PCNX1: variants seen among roughly 807,000 people sequenced by gnomAD.
PCNX1 encodes pecanex-like protein 1.
PCNX1 carries 78 observed loss-of-function variants against 242.2 expected under a neutral mutation model. That is an observed-to-expected ratio of 0.32 (90% CI 0.27 to 0.39). The LOEUF (loss-of-function observed/expected upper bound fraction) is 0.39. PCNX1 is among the 10% of genes least tolerant of loss of function. The pLI, the probability that PCNX1 is intolerant of heterozygous loss-of-function variation, is 1.00. For missense variants in PCNX1, 2,581 were observed against 2,856.5 expected (o/e 0.90, Z 2.20); for synonymous variants, 1,024 against 1,032.9 (o/e 0.99, Z 0.17).
rs2061727366 is a variant in PCNX1, at chr14:71,076,676, A to G, written c.5337+257A>G. Among the ~76,000 whole-genome samples the G allele has an allele frequency of 2.6e-5, 4 of 152,210 alleles. No homozygotes were observed. In the South Asian group the frequency reaches 6.2e-4, roughly 24 times the overall value. On this transcript the variant is annotated intron_variant, in intron 28 of 35. Coordinates refer to ENST00000304743, the MANE Select transcript of PCNX1 (RefSeq NM_014982.3). ...AGGTAGCACCTCCTTCATCCTGGGC[A>G]TGTACAGGCATGCACATACATTCAC...
intron 22 of PCNX1, among the ~76,000 whole-genome samples, chr14:71,049,881 T>G (rs2060973182): frequency 1.3e-5 from 2 of 152,216 alleles, no homozygotes; most frequent in East Asian, 3.8e-4. Flanking sequence ...GTTTCAGCAT[T>G]GAAGAACTGT....
chr14:70,938,901 T>C (rs2140231833), intron 1 of PCNX1, among the ~76,000 whole-genome samples: 2 of 152,364 alleles, frequency 1.3e-5, no homozygotes, highest in Middle Eastern at 6.8e-3. Context: ...TTCTAGATTC[T>C]CTAGCTTATT....
chr14:71,013,326 C>A, intron 11 of PCNX1, 124 bp downstream of exon 11: 1 of 806,024 alleles, frequency 1.2e-6, no homozygotes, highest in East Asian at 2.5e-5. Flanking sequence ...GTTTTGTCCT[C>A]TGGATATAAA....
chr14:70,938,070 C>T (rs922040682), intron 1 of PCNX1, among the ~76,000 whole-genome samples: 3 of 152,212 alleles, frequency 2.0e-5, no homozygotes, highest in Admixed American at 2.0e-4. Flanking sequence ...ATCATGTCAT[C>T]TGCAAACAGG....
At chr14:71,053,811 A>T (rs922573159) in intron 24 of PCNX1, among the ~76,000 whole-genome samples, 1 of 151,918 alleles carries the variant, frequency 6.6e-6, no homozygotes, top group Non-Finnish European at 1.5e-5. Context: ...CTATATTTCC[A>T]CTCCCCCAAA....
At chr14:71,000,649 C>T (rs1416527328) in intron 8 of PCNX1, among the ~76,000 whole-genome samples, 2 of 151,732 alleles carry the variant, frequency 1.3e-5, no homozygotes, top group Non-Finnish European at 2.9e-5. Flanking sequence ...GCCTTAGCCT[C>T]CCGAGTAGCT....
chr14:71,027,355 A>G (rs1223714026), intron 15 of PCNX1, among the ~76,000 whole-genome samples: 1 of 151,924 alleles, frequency 6.6e-6, no homozygotes, highest in Non-Finnish European at 1.5e-5. Flanking sequence ...TTAGTAATAA[A>G]TAAGTTTTTA....
At position 71,103,613 on chromosome 14, in the gene PCNX1, T is replaced by C; in HGVS notation, c.6039T>C (p.Leu2013=). The change falls in exon 32 of 36, where the codon CTT becomes CTC. Residue 2013 remains leucine, a synonymous_variant. Transcript: ENST00000304743. The stretch of plus-strand genomic sequence containing the variant: ...GCCACGAACAGCTTAAAGACATTCT[T>C]GGGGGTCCTATCAGCTTGGGAAATA... ...SDSHEQLKDI[L]GGPISLGNIR... The C allele has an allele frequency of 6.2e-7, 1 of 1,614,172 alleles. No homozygotes were observed. The highest frequency in any genetic ancestry group is 8.5e-7 in the Non-Finnish European group (1 of 1,180,006).
At chr14:71,041,704 C>T (rs1250258390) in intron 19 of PCNX1, among the ~76,000 whole-genome samples, 1 of 151,580 alleles carries the variant, frequency 6.6e-6, no homozygotes, top group African/African-American at 2.4e-5. Context: ...CTGCTCTTAC[C>T]TTTCTTACTA....
rs1859469 is a variant in PCNX1 at position 70,912,222 on chromosome 14, G to A, written c.153+4219G>A. 3.1e-3 allele frequency among the ~76,000 whole-genome samples: 467 copies of A among 150,446 alleles called. 3 individuals carry two copies. The highest frequency in any genetic ancestry group is 3.1e-3 in the Non-Finnish European group (208 of 67,794). On this transcript the variant is annotated intron_variant, in intron 1 of 35. Transcript: ENST00000304743. ...TGCACTCCAGCCTGGGCGACAGAGC[G>A]AGACTCTGTCTCAAAAAAAAAAAGA... is the stretch of plus-strand genomic sequence containing the variant.
intron 30 of PCNX1, among the ~76,000 whole-genome samples, chr14:71,091,106 G>A (rs1448398818): frequency 6.6e-6 from 1 of 152,196 alleles, no homozygotes. Flanking sequence ...GAGGGGAGGA[G>A]AGGAAGTGGA....
At position 70,915,270 on chromosome 14, in the gene PCNX1, A is replaced by G. The variant is rs10139870; in HGVS notation, c.153+7267A>G. On this transcript the variant is annotated intron_variant, in intron 1 of 35. Coordinates refer to ENST00000304743, the MANE Select transcript of PCNX1 (RefSeq NM_014982.3). ...TTTATCAGAACTCAAAGACACTGGA[A>G]AACTTTACGGAATCTCAAAACCCTT... is the stretch of plus-strand genomic sequence containing the variant. Among the ~76,000 whole-genome samples the G allele has an allele frequency of 7.5e-3, 1,138 of 152,266 alleles. 8 individuals carry two copies. The highest frequency in any genetic ancestry group is 0.026 in the African/African-American group (1,071 of 41,546).
chr14:70,994,007 A>G (rs1251854149), intron 7 of PCNX1, among the ~76,000 whole-genome samples: 2 of 152,190 alleles, frequency 1.3e-5, no homozygotes, highest in Non-Finnish European at 2.9e-5. Context: ...AAATACTTTT[A>G]TCATTATGGC....
intron 1 of PCNX1, 114 bp from the exon 2 acceptor site, chr14:70,946,801 A>G (rs930787310): frequency 1.1e-5 from 9 of 782,818 alleles, no homozygotes; most frequent in South Asian, 1.9e-5. Flanking sequence ...AGCGCTAGTA[A>G]CATAGTTGTT....
chr14:70,936,196 A>T (rs1447912002), intron 1 of PCNX1, among the ~76,000 whole-genome samples: 1 of 152,154 alleles, frequency 6.6e-6, no homozygotes, highest in Admixed American at 6.5e-5. Flanking sequence ...TTTGTCACAT[A>T]TGTATACATG....
At chr14:70,934,740 A>G (rs560801841) in intron 1 of PCNX1, among the ~76,000 whole-genome samples, 1 of 152,366 alleles carries the variant, frequency 6.6e-6, no homozygotes, top group East Asian at 1.9e-4. Flanking sequence ...ATTTATAGAA[A>G]CACAAAGTAG....
chr14:71,027,145 C>T, intron 15 of PCNX1: 1 of 305,086 alleles, frequency 3.3e-6, no homozygotes, highest in Non-Finnish European at 6.1e-6. Flanking sequence ...ACTAAAAGTT[C>T]TAGTGAATTT....
rs1404932316 is a variant in PCNX1, at chr14:71,113,018, A to AT, written c.*3087dup. ...TTGGTGTGAACTCTCTTTTTACACCATTTTCAACACTGGATAAAACTTTAA... is the reference window on the plus strand; with the variant it reads ...TTGGTGTGAACTCTCTTTTTACACCATTTTTCAACACTGGATAAAACTTTAA... On this transcript the variant is annotated 3_prime_UTR_variant, in exon 36 of 36. Coordinates refer to ENST00000304743, the MANE Select transcript of PCNX1 (RefSeq NM_014982.3). 6.6e-6 allele frequency: 1 copy of AT among 152,178 alleles called. No individual in the cohort carries two copies. The highest frequency in any genetic ancestry group is 1.5e-5 in the Non-Finnish European group (1 of 68,022). The allele number at this position is 152,178 out of a possible 1,614,324, so 9.4% of individuals were successfully genotyped here.
At chr14:70,976,653 G>T (rs535341434) in intron 5 of PCNX1, among the ~76,000 whole-genome samples, 3 of 152,050 alleles carry the variant, frequency 2.0e-5, no homozygotes, top group African/African-American at 7.2e-5. Flanking sequence ...GATTACAAGC[G>T]TGAGCCACTG....
Sources: gnomAD v4.1 joint callset for allele counts (sites outside exome capture counted in the v4.1 genomes callset) on GRCh38, gnomAD v4.1.1 for gene constraint, MANE v1.5 for transcripts, NCBI Gene and HGNC (gene_info 2026-07-23, HGNC 2026-07-21) for gene names.